PSD3: variants seen among roughly 807,000 people sequenced by gnomAD.
PSD3 encodes PH and SEC7 domain-containing protein 3.
PSD3 carries 49 observed loss-of-function variants against 105.5 expected under a neutral mutation model. The observed-to-expected ratio is 0.46, with a 90% CI of 0.37 to 0.59. The LOEUF is 0.59. Among genes scored for constraint, PSD3 ranks in the 20% least tolerant of loss-of-function variants. The probability of loss-of-function intolerance (pLI) is 0.00; values close to 1 mark genes in which losing one functional copy is unlikely to be tolerated. For synonymous variants in PSD3, 557 were observed against 457.8 expected, an observed-to-expected ratio of 1.22 and a Z score of -2.77; for missense variants, 1,561 against 1,263.8, an observed-to-expected ratio of 1.24 and a Z score of -3.57.
At chr8:18,835,620 C>T (rs1814041901) in intron 4 of PSD3, among the ~76,000 whole-genome samples, 1 of 152,062 alleles carries the variant, frequency 6.6e-6, no homozygotes, top group African/African-American at 2.4e-5. Flanking sequence ...AATATGAAAC[C>T]GTGAGAGGAA....
intron 1 of PSD3, among the ~76,000 whole-genome samples, chr8:18,950,951 T>C (rs568871657): frequency 2.5e-3 from 388 of 152,244 alleles, no homozygotes; most frequent in Admixed American, 4.6e-3. Flanking sequence ...CCTGGGGTGC[T>C]TGTGGATAAA....
intron 9 of PSD3, among the ~76,000 whole-genome samples, chr8:18,742,273 A>G (rs1052692114): frequency 7.2e-5 from 11 of 152,154 alleles, no homozygotes; most frequent in Non-Finnish European, 1.5e-4. Context: ...GAAAGAAACA[A>G]ACCAACCAAC....
chr8:18,993,771 C>G (rs1825925848), intron 1 of PSD3, among the ~76,000 whole-genome samples: 1 of 151,916 alleles, frequency 6.6e-6, no homozygotes, highest in African/African-American at 2.4e-5. Context: ...TAAAGTAACT[C>G]TGAAATTAAG....
intron 4 of PSD3, among the ~76,000 whole-genome samples, chr8:18,838,582 A>G (rs1026597427): frequency 1.3e-5 from 2 of 151,920 alleles, no homozygotes; most frequent in Non-Finnish European, 2.9e-5. Flanking sequence ...CGGGCGGATC[A>G]TGAGGTCAGG....
intron 1 of PSD3, among the ~76,000 whole-genome samples, chr8:19,020,563 G>GC (rs1438968994): frequency 6.6e-6 from 1 of 152,044 alleles, no homozygotes; most frequent in African/African-American, 2.4e-5. Context: ...TAGATTTTGA[G>GC]CAGAGGGGTA....
intron 1 of PSD3, among the ~76,000 whole-genome samples, chr8:18,944,308 G>T (rs539307080): frequency 2.3e-4 from 35 of 152,216 alleles, no homozygotes; most frequent in African/African-American, 8.4e-4. Context: ...GGTGGCTCAC[G>T]CCTGCAATCC....
At chr8:18,660,281 C>T (rs1809250976) in intron 9 of PSD3, among the ~76,000 whole-genome samples, 1 of 151,972 alleles carries the variant, frequency 6.6e-6, no homozygotes, top group Non-Finnish European at 1.5e-5. Context: ...TGCTGGCGAC[C>T]ACCAGAGGTT....
At chr8:18,879,738 G>A (rs1019784933) in intron 2 of PSD3, among the ~76,000 whole-genome samples, 1 of 152,130 alleles carries the variant, frequency 6.6e-6, no homozygotes, top group African/African-American at 2.4e-5. Flanking sequence ...CCACAGGCAT[G>A]TGCCATCTCA....
At chr8:18,585,701 C>T (rs765979747) in intron 12 of PSD3, among the ~76,000 whole-genome samples, 5 of 152,062 alleles carry the variant, frequency 3.3e-5, no homozygotes, top group African/African-American at 7.2e-5. Context: ...TTATAAGAGT[C>T]GTCAGGAAGG....
rs117100043 is a variant in PSD3 at position 18,660,027 on chromosome 8, G to A, written c.2173-4342C>T. Among the ~76,000 whole-genome samples, 780 of 152,236 alleles carry A rather than the reference G, an allele frequency of 5.1e-3. 4 individuals carry two copies. Among genetic ancestry groups the A allele is most frequent in the Non-Finnish European group, 8.7e-3 (593 of 68,012 alleles). On this transcript the variant is annotated intron_variant, in intron 9 of 15. Transcript: ENST00000327040. ...AGTGAAGCGATAACTCACTGTGGAAGGCTGAAGAATGGCACCCCTAATGTC... is the reference window on the plus strand; with the variant it reads ...AGTGAAGCGATAACTCACTGTGGAAAGCTGAAGAATGGCACCCCTAATGTC...
rs574716634 is a variant in PSD3 at position 19,001,303 on chromosome 8, C to G, written c.21+12260G>C. ...AGAGGTGGGGTCTCACTATGTTGCC[C>G]AGGCCCGTAGACTTTATTTATTAGA... On this transcript the variant is annotated intron_variant, in intron 1 of 15. Coordinates refer to ENST00000327040, the MANE Select transcript of PSD3 (RefSeq NM_015310.4). 3.2e-4 allele frequency among the ~76,000 whole-genome samples: 48 copies of G among 151,770 alleles called. 1 individual carries two copies. The highest frequency in any genetic ancestry group is 1.1e-3 in the African/African-American group (46 of 41,338).
At chr8:19,055,963 C>T (rs1828696431) in intron 1 of PSD3, among the ~76,000 whole-genome samples, 1 of 152,236 alleles carries the variant, frequency 6.6e-6, no homozygotes, top group South Asian at 2.1e-4. Flanking sequence ...ATTAAAAATG[C>T]TGCTACACAC....
chr8:18,775,359 T>C (rs553178859), intron 8 of PSD3, among the ~76,000 whole-genome samples: 1 of 152,314 alleles, frequency 6.6e-6, no homozygotes, highest in East Asian at 1.9e-4. Flanking sequence ...CTGACTTCGT[T>C]TCTTTTAAAT....
intron 9 of PSD3, among the ~76,000 whole-genome samples, chr8:18,720,427 A>G (rs1012031336): frequency 2.0e-5 from 3 of 152,202 alleles, no homozygotes; most frequent in Non-Finnish European, 4.4e-5. Flanking sequence ...TAAGTCAAGG[A>G]TGAGCAATCT....
At chr8:18,649,235 G>A (rs970669008) in intron 10 of PSD3, among the ~76,000 whole-genome samples, 1 of 152,222 alleles carries the variant, frequency 6.6e-6, no homozygotes, top group Non-Finnish European at 1.5e-5. Context: ...AGCAACCGCA[G>A]GGACTGAACT....
chr8:18,607,292 T>A (rs1207850923), intron 11 of PSD3, among the ~76,000 whole-genome samples: 3 of 152,180 alleles, frequency 2.0e-5, no homozygotes, highest in Admixed American at 2.0e-4. Flanking sequence ...AGAATAGTTA[T>A]CTAATATTAC....
In PSD3 at chr8:18,528,145, T is replaced by G. The variant is rs1179291461; in HGVS notation, c.*7598A>C. On this transcript the variant is annotated 3_prime_UTR_variant, in exon 16 of 16. Transcript: ENST00000327040. ...TATAAATTCTCCGCTAGTGTACATT[T>G]AGAAATGGGTTCCTAAAGCTTGAGA... The G allele has an allele frequency of 1.3e-5, 2 of 152,232 alleles. No homozygotes were observed. Among genetic ancestry groups the G allele is most frequent in the East Asian group, 3.8e-4 (2 of 5,202 alleles). 9.4% of individuals were successfully genotyped at this position (152,232 alleles called of 1,614,324 possible).
intron 1 of PSD3, among the ~76,000 whole-genome samples, chr8:19,054,529 A>C (rs899316681): frequency 6.6e-6 from 1 of 152,196 alleles, no homozygotes; most frequent in Non-Finnish European, 1.5e-5. Flanking sequence ...TCATGGATTC[A>C]ACTTATTTAC....
At chr8:18,739,631 T>C (rs1489450759) in intron 9 of PSD3, among the ~76,000 whole-genome samples, 2 of 152,226 alleles carry the variant, frequency 1.3e-5, no homozygotes, top group African/African-American at 2.4e-5. Flanking sequence ...GGCTCTAATT[T>C]ATCCTATTTA....
Sources: gnomAD v4.1 joint callset for allele counts (sites outside exome capture counted in the v4.1 genomes callset) on GRCh38, gnomAD v4.1.1 for gene constraint, MANE v1.5 for transcripts, NCBI Gene and HGNC (gene_info 2026-07-23, HGNC 2026-07-21) for gene names.